The following RABGEF1 variants were observed in gnomAD, a reference collection of about 807,000 sequenced individuals.
RABGEF1 encodes the protein RAB guanine nucleotide exchange factor 1, also known as rab5 GDP/GTP exchange factor.
A neutral mutation model predicts 57.3 loss-of-function variants in RABGEF1; 26 were observed. The ratio of observed to expected loss-of-function variants is 0.45; its 90% CI spans 0.33 to 0.63. The LOEUF (loss-of-function observed/expected upper bound fraction) is 0.63. RABGEF1 is among the 20% of genes least tolerant of loss of function. The pLI is 0.02. For synonymous variants in RABGEF1, 185 were observed against 210.7 expected, an observed-to-expected ratio of 0.88 and a Z score of 1.06; for missense variants, 464 against 607.6, an observed-to-expected ratio of 0.76 and a Z score of 2.48.
At chr7:66,722,821 A>G (rs1183929344) in intron 2 of RABGEF1, among the ~76,000 whole-genome samples, 1 of 152,164 alleles carries the variant, frequency 6.6e-6, no homozygotes, top group Non-Finnish European at 1.5e-5. Context: ...ACTTTCTACA[A>G]CAGGCAGCTG....
At chr7:66,664,557 T>C in the RABGEF1 span, among the ~76,000 whole-genome samples, 1 of 152,030 alleles carries the variant, frequency 6.6e-6, no homozygotes, top group African/African-American at 2.4e-5. Flanking sequence ...TGAGCCATGA[T>C]TGTGCCACTA....
At chr7:66,802,616 G>T (rs10247324) in intron 7 of RABGEF1, among the ~76,000 whole-genome samples, 15,431 of 152,270 alleles carry the variant, frequency 0.1, 864 homozygotes, top group Non-Finnish European at 0.11. Flanking sequence ...CTTTGAAGCA[G>T]TGCAAATCAT....
intron 1 of RABGEF1, among the ~76,000 whole-genome samples, chr7:66,761,698 G>A (rs1804397647): frequency 6.6e-6 from 1 of 152,200 alleles, no homozygotes; most frequent in Non-Finnish European, 1.5e-5. Context: ...CTTGGGGCAG[G>A]TAAAAGGAGG....
At chr7:66,722,256 A>G (rs887170634) in intron 2 of RABGEF1, among the ~76,000 whole-genome samples, 1 of 152,184 alleles carries the variant, frequency 6.6e-6, no homozygotes, top group Non-Finnish European at 1.5e-5. Context: ...CCTGGCCAAC[A>G]TGGTGAAACC....
intron 4 of RABGEF1, among the ~76,000 whole-genome samples, chr7:66,795,008 G>A (rs1347974437): frequency 1.3e-5 from 2 of 152,166 alleles, no homozygotes; most frequent in Non-Finnish European, 2.9e-5. Context: ...TGGTGAGACC[G>A]CTAGGTGGGA....
chr7:66,675,994 C>T, the RABGEF1 span, among the ~76,000 whole-genome samples: 1 of 152,076 alleles, frequency 6.6e-6, no homozygotes, highest in Non-Finnish European at 1.5e-5. Flanking sequence ...TAAGAGCTCT[C>T]GATATATCCT....
rs577126090 is a variant in RABGEF1 at position 66,774,753 on chromosome 7, C to G, written c.180-474C>G. Among the ~76,000 whole-genome samples, 9 of 152,238 alleles carry G rather than the reference C, an allele frequency of 5.9e-5. No homozygotes were observed. The South Asian group carries it at 1.5e-3, about 25-fold the overall frequency. On this transcript the variant is annotated intron_variant, in intron 2 of 8. Coordinates refer to ENST00000284957, the MANE Select transcript of RABGEF1 (RefSeq NM_014504.3). ...CCAGCCTGGGCGATGGAGTGACACT[C>G]TGTCTCAAAAACAACCAAAAAAAGG...
At chr7:66,727,741 G>A (rs536130186) in intron 2 of RABGEF1, among the ~76,000 whole-genome samples, 28 of 152,354 alleles carry the variant, frequency 1.8e-4, no homozygotes, top group African/African-American at 6.0e-4. Context: ...CTGGGGAACC[G>A]TGAGTGGCAG....
At position 66,770,853 on chromosome 7, in the gene RABGEF1, G is replaced by T. The variant is rs1479880258; in HGVS notation, c.-17-1030G>T. On this transcript the variant is annotated intron_variant, in intron 1 of 8. Coordinates refer to ENST00000284957, the MANE Select transcript of RABGEF1 (RefSeq NM_014504.3). Reference sequence around the variant, plus strand: ...TGATATCTCATTGTGATTTTGATTTGCATTTCCCTGATGATTAGTGATGTT... The same window carrying T: ...TGATATCTCATTGTGATTTTGATTTTCATTTCCCTGATGATTAGTGATGTT... Among the ~76,000 whole-genome samples the T allele has an allele frequency of 2.6e-5, 4 of 152,180 alleles. No individual in the cohort carries two copies. The East Asian group carries it at 7.7e-4, about 29-fold the overall frequency.
the RABGEF1 span, among the ~76,000 whole-genome samples, chr7:66,664,337 T>G: frequency 2.0e-5 from 3 of 152,016 alleles, no homozygotes; most frequent in African/African-American, 4.8e-5. Context: ...CCCAGCACTT[T>G]GGGAGGCCGA....
At chr7:66,666,659 T>C in the RABGEF1 span, among the ~76,000 whole-genome samples, 1 of 152,188 alleles carries the variant, frequency 6.6e-6, no homozygotes, top group Non-Finnish European at 1.5e-5. Flanking sequence ...TCCTGGCTGC[T>C]CACAGCCGGC....
intron 7 of RABGEF1, among the ~76,000 whole-genome samples, chr7:66,800,597 C>T (rs777814946): frequency 2.6e-5 from 4 of 152,142 alleles, no homozygotes; most frequent in Non-Finnish European, 4.4e-5. Context: ...ACCTTTTGCT[C>T]GGGGAACCCC....
intron 2 of RABGEF1, among the ~76,000 whole-genome samples, chr7:66,720,694 G>C (rs925915644): frequency 6.6e-6 from 1 of 151,988 alleles, no homozygotes; most frequent in South Asian, 2.1e-4. Context: ...AGAGGTTCAA[G>C]CTTGTGCAAT....
At chr7:66,661,047 T>C in the RABGEF1 span, among the ~76,000 whole-genome samples, 11 of 151,850 alleles carry the variant, frequency 7.2e-5, no homozygotes, top group Admixed American at 3.3e-4. Context: ...TGGTGGCCCA[T>C]GCCTGTAACC....
chr7:66,657,341 A>C, the RABGEF1 span, among the ~76,000 whole-genome samples: 1 of 152,244 alleles, frequency 6.6e-6, no homozygotes, highest in African/African-American at 2.4e-5. Flanking sequence ...AGTAACAAGG[A>C]AAACTTGAAA....
chr7:66,784,854 T>C (rs961493845), intron 4 of RABGEF1, among the ~76,000 whole-genome samples: 22 of 152,158 alleles, frequency 1.4e-4, no homozygotes, highest in African/African-American at 4.1e-4. Flanking sequence ...TGAGCTGTTA[T>C]TGTTTTTTTT....
chr7:66,727,441 T>C (rs1487390676), intron 2 of RABGEF1, among the ~76,000 whole-genome samples: 2 of 152,206 alleles, frequency 1.3e-5, no homozygotes, highest in African/African-American at 4.8e-5. Context: ...GGGTGACAAA[T>C]TGGATTCATG....
chr7:66,764,718 T>C (rs1805274708), intron 1 of RABGEF1, among the ~76,000 whole-genome samples: 1 of 152,204 alleles, frequency 6.6e-6, no homozygotes, highest in African/African-American at 2.4e-5. Flanking sequence ...GAAAAGACTC[T>C]TCTTTTCTCC....
At chr7:66,782,915 C>G (rs1473648278) in intron 3 of RABGEF1, among the ~76,000 whole-genome samples, 1 of 152,164 alleles carries the variant, frequency 6.6e-6, no homozygotes, top group East Asian at 1.9e-4. Context: ...AGAATGTGGT[C>G]AAAGACCAAG....
Sources: gnomAD v4.1 joint callset for allele counts (sites outside exome capture counted in the v4.1 genomes callset) on GRCh38, gnomAD v4.1.1 for gene constraint, MANE v1.5 for transcripts, NCBI Gene and HGNC (gene_info 2026-07-23, HGNC 2026-07-21) for gene names.